The following GCNT1 variants were observed in gnomAD, a reference collection of about 807,000 sequenced individuals.
The protein encoded by GCNT1 is beta-1,3-galactosyl-O-glycosyl-glycoprotein beta-1,6-N-acetylglucosaminyltransferase.
In GCNT1, 16 loss-of-function variants were observed where a neutral mutation model predicts 26.2. The ratio of observed to expected loss-of-function variants is 0.61; its 90% CI spans 0.41 to 0.93. The LOEUF is 0.93. Ranked by LOEUF, GCNT1 falls within the 40% of genes least tolerant of loss-of-function variation. The probability of loss-of-function intolerance (pLI) is 0.00; values close to 1 mark genes in which losing one functional copy is unlikely to be tolerated. For missense variants in GCNT1, 477 were observed against 526.7 expected (o/e 0.91, Z 0.92); for synonymous variants, 183 against 190.8 (o/e 0.96, Z 0.34).
chr9:76,440,425 C>T (rs1587411773), upstream of GCNT1, among the ~76,000 whole-genome samples: 1 of 152,306 alleles, frequency 6.6e-6, no homozygotes, highest in East Asian at 1.9e-4. Context: ...CTACATTTCC[C>T]TGATTTATAT....
intron 2 of GCNT1, among the ~76,000 whole-genome samples, chr9:76,492,116 C>T (rs183847657): frequency 6.6e-6 from 1 of 152,246 alleles, no homozygotes; most frequent in East Asian, 1.9e-4. Flanking sequence ...AGAGCTATTC[C>T]TGCTCTGTCT....
chr9:76,478,189 TA>T (rs1824305118), intron 2 of GCNT1, among the ~76,000 whole-genome samples: 1 of 151,876 alleles, frequency 6.6e-6, no homozygotes, highest in Non-Finnish European at 1.5e-5. Context: ...TCCTTCCATG[TA>T]GTGGAAACTT....
At chr9:76,464,925 C>A (rs1823960174) in intron 2 of GCNT1, among the ~76,000 whole-genome samples, 1 of 152,162 alleles carries the variant, frequency 6.6e-6, no homozygotes, top group Admixed American at 6.5e-5. Context: ...CTTGTTAGGG[C>A]AGGCAGTAGT....
At chr9:76,479,169 C>T (rs1392394887) in intron 2 of GCNT1, among the ~76,000 whole-genome samples, 1 of 152,156 alleles carries the variant, frequency 6.6e-6, no homozygotes, top group Non-Finnish European at 1.5e-5. Context: ...CATCCATGTC[C>T]CTACAAAGGA....
Position 76,502,854 on chromosome 9 carries a change from C to G in GCNT1, c.473C>G (p.Ser158Cys), listed in dbSNP as rs11546569. 28,901 of 1,614,018 alleles carry G rather than the reference C, an allele frequency of 0.018. 333 individuals are homozygous for G. The highest frequency in any genetic ancestry group is 0.021 in the Non-Finnish European group (24,517 of 1,179,976). Residue 158 changes from serine (S) to cysteine (C), a missense_variant, in exon 4 of 4, where the codon TCC becomes TGC. By Grantham distance (112) the Ser-to-Cys change is moderately radical. Transcript: ENST00000376730. ...NFYCIHVDTK[S>C]EDSYLAAVMG... ...TATTGCATTCATGTGGACACAAAAT[C>G]CGAGGATTCCTATTTAGCTGCAGTG... is the stretch of plus-strand genomic sequence containing the variant.
intron 2 of GCNT1, among the ~76,000 whole-genome samples, chr9:76,482,231 T>TC (rs1404283499): frequency 1.3e-5 from 2 of 151,982 alleles, no homozygotes; most frequent in East Asian, 3.9e-4. Context: ...AGCATGCTTC[T>TC]CCCAATGGCC....
intron 2 of GCNT1, among the ~76,000 whole-genome samples, chr9:76,485,693 C>G (rs1237309413): frequency 6.6e-6 from 1 of 151,722 alleles, no homozygotes; most frequent in Non-Finnish European, 1.5e-5. Flanking sequence ...TCTGTTGCCT[C>G]TCATTTATAT....
intron 2 of GCNT1, among the ~76,000 whole-genome samples, chr9:76,476,757 T>C (rs756713514): frequency 6.6e-6 from 1 of 152,188 alleles, no homozygotes; most frequent in African/African-American, 2.4e-5. Flanking sequence ...CACTGGCCTT[T>C]TGGAGAAACT....
the GCNT1 span, among the ~76,000 whole-genome samples, chr9:76,401,998 T>A: frequency 2.0e-5 from 3 of 152,338 alleles, no homozygotes. Flanking sequence ...GGCAAAATAA[T>A]GATAGATGAA....
upstream of GCNT1, among the ~76,000 whole-genome samples, chr9:76,440,400 G>A (rs1823468844): frequency 6.6e-6 from 1 of 152,234 alleles, no homozygotes; most frequent in Admixed American, 6.5e-5. Context: ...TGTGATGAAT[G>A]AAGGTGACAT....
chr9:76,449,778 T>TTTTG (rs1203914312), intron 1 of GCNT1, among the ~76,000 whole-genome samples: 1 of 152,034 alleles, frequency 6.6e-6, no homozygotes, highest in Non-Finnish European at 1.5e-5. Context: ...ACCTTTTCGT[T>TTTTG]TTTGTTTGTT....
chr9:76,411,300 T>G, the GCNT1 span, among the ~76,000 whole-genome samples: 6 of 152,106 alleles, frequency 3.9e-5, no homozygotes, highest in Non-Finnish European at 8.8e-5. Context: ...CCTGCCATTT[T>G]GGGGGTTTTT....
chr9:76,440,783 C>T (rs965622209), upstream of GCNT1, among the ~76,000 whole-genome samples: 5 of 152,028 alleles, frequency 3.3e-5, no homozygotes, highest in Non-Finnish European at 5.9e-5. Flanking sequence ...ATGCCTATGC[C>T]TGCCGGGTGC....
intron 2 of GCNT1, among the ~76,000 whole-genome samples, chr9:76,487,340 G>C (rs900650860): frequency 2.6e-5 from 4 of 152,090 alleles, no homozygotes; most frequent in African/African-American, 9.7e-5. Context: ...TTTTGCTCCA[G>C]TCACAGCAGC....
intron 2 of GCNT1, among the ~76,000 whole-genome samples, chr9:76,475,968 A>T (rs1341100804): frequency 6.6e-6 from 1 of 152,208 alleles, no homozygotes; most frequent in African/African-American, 2.4e-5. Context: ...TTGATTTCAA[A>T]GAGGGGCAAT....
chr9:76,445,848 T>C (rs1823567920), intron 1 of GCNT1, among the ~76,000 whole-genome samples: 1 of 90,102 alleles, frequency 1.1e-5, no homozygotes. Flanking sequence ...CCAGACATGG[T>C]GGTGTGTGCC....
chr9:76,478,151 C>G (rs1336595606), intron 2 of GCNT1, among the ~76,000 whole-genome samples: 1 of 152,222 alleles, frequency 6.6e-6, no homozygotes, highest in East Asian at 1.9e-4. Context: ...CTGGCCATCC[C>G]AGCGAGTAGC....
At chr9:76,492,197 G>A (rs1342769720) in intron 2 of GCNT1, among the ~76,000 whole-genome samples, 1 of 152,082 alleles carries the variant, frequency 6.6e-6, no homozygotes, top group East Asian at 1.9e-4. Context: ...TCCTTCCAAT[G>A]CCCAGACTTC....
chr9:76,467,264 A>G (rs6560525), intron 2 of GCNT1, among the ~76,000 whole-genome samples: 105,039 of 151,950 alleles, frequency 0.69, 37,174 homozygotes, highest in African/African-American at 0.83. Flanking sequence ...GGATGGTCTC[A>G]ATCTCCTGAC....
Sources: allele counts gnomAD v4.1 joint callset (sites outside exome capture counted in the v4.1 genomes callset), GRCh38; gene constraint gnomAD v4.1.1; transcripts MANE v1.5; gene names NCBI Gene and HGNC (gene_info 2026-07-23, HGNC 2026-07-21).